The following HS6ST3 variants were observed in gnomAD, a reference collection of about 807,000 sequenced individuals.
HS6ST3 encodes the protein heparan-sulfate 6-O-sulfotransferase 3.
Under a neutral mutation model 36.7 loss-of-function variants are expected in HS6ST3, and 12 were observed. The observed-to-expected ratio is 0.33, with a 90% CI of 0.21 to 0.53. The LOEUF (loss-of-function observed/expected upper bound fraction) is 0.53, where lower values mean the gene tolerates loss of function less well. Ranked by LOEUF, HS6ST3 falls within the 20% of genes least tolerant of loss-of-function variation. The pLI, the probability that HS6ST3 is intolerant of heterozygous loss-of-function variation, is 0.95. For synonymous variants in HS6ST3, 240 were observed against 257.5 expected, an observed-to-expected ratio of 0.93 and a Z score of 0.65; for missense variants, 584 against 640.9, an observed-to-expected ratio of 0.91 and a Z score of 0.96.
intron 1 of HS6ST3, among the ~76,000 whole-genome samples, chr13:96,098,929 G>T (rs1257902713): frequency 6.6e-6 from 1 of 152,092 alleles, no homozygotes; most frequent in South Asian, 2.1e-4. Context: ...CTCATCTCAT[G>T]CATATATGTT....
At chr13:96,254,548 A>ACATCCCT (rs1252446046) in intron 1 of HS6ST3, among the ~76,000 whole-genome samples, 1 of 135,104 alleles carries the variant, frequency 7.4e-6, no homozygotes, top group Non-Finnish European at 1.5e-5. Context: ...TACATAGTGG[A>ACATCCCT]CATCCCTGCT....
At chr13:96,799,982 G>GTATATATATATATATGTATATATATA (rs1878017744) in intron 1 of HS6ST3, among the ~76,000 whole-genome samples, 1 of 82,586 alleles carries the variant, frequency 1.2e-5, no homozygotes, top group Non-Finnish European at 2.3e-5. Context: ...ATATATATAT[G>GTATATATATATATATGTATATATATA]TATATATATA....
chr13:96,147,158 A>G (rs191506712), intron 1 of HS6ST3, among the ~76,000 whole-genome samples: 7 of 152,280 alleles, frequency 4.6e-5, no homozygotes, highest in Non-Finnish European at 4.4e-5. Flanking sequence ...GATAGTGATC[A>G]GCAGAGCACA....
At chr13:96,273,143 T>C (rs1364205351) in intron 1 of HS6ST3, among the ~76,000 whole-genome samples, 6 of 152,000 alleles carry the variant, frequency 3.9e-5, no homozygotes, top group Non-Finnish European at 5.9e-5. Flanking sequence ...CTAGAGTTTC[T>C]AAGTCCTTAG....
intron 1 of HS6ST3, among the ~76,000 whole-genome samples, chr13:96,658,194 A>AT (rs1261959485): frequency 2.1e-5 from 3 of 142,198 alleles, no homozygotes; most frequent in African/African-American, 7.9e-5. Context: ...TAGCTTGTTG[A>AT]TTTTTTATTG....
rs1218830037 is a variant in HS6ST3 at position 96,470,347 on chromosome 13, T to C, written c.708-362143T>C. On this transcript the variant is annotated intron_variant, in intron 1 of 1. Coordinates refer to ENST00000376705, the MANE Select transcript of HS6ST3 (RefSeq NM_153456.4). ...CTCCCCCAAATATTAAATAATTTCC[T>C]CTCAAACAGTTGGTTTATAGGAAGA... Among the ~76,000 whole-genome samples, 8 of 152,332 alleles carry C rather than the reference T, an allele frequency of 5.3e-5. No individual in the cohort carries two copies. The South Asian group carries it at 1.4e-3, about 28-fold the overall frequency.
rs536217551 is a variant in HS6ST3, at chr13:96,792,914, C to T, written c.708-39576C>T. 1.3e-3 allele frequency among the ~76,000 whole-genome samples: 202 copies of T among 152,156 alleles called. 1 individual carries two copies. The highest frequency in any genetic ancestry group is 4.4e-3 in the African/African-American group (182 of 41,544). ...AGATGGTTTATACCTGGGAAACATTCGCAGTCATCAATCTTTCTCTAATCA... is the reference window on the plus strand; with the variant it reads ...AGATGGTTTATACCTGGGAAACATTTGCAGTCATCAATCTTTCTCTAATCA... On this transcript the variant is annotated intron_variant, in intron 1 of 1. Coordinates refer to ENST00000376705, the MANE Select transcript of HS6ST3 (RefSeq NM_153456.4).
At chr13:96,570,643 A>C (rs1432043713) in intron 1 of HS6ST3, among the ~76,000 whole-genome samples, 1 of 152,214 alleles carries the variant, frequency 6.6e-6, no homozygotes, top group Non-Finnish European at 1.5e-5. Flanking sequence ...GCATTTATAG[A>C]ACACCTACTT....
intron 1 of HS6ST3, among the ~76,000 whole-genome samples, chr13:96,462,649 C>G (rs936784648): frequency 1.3e-5 from 2 of 152,058 alleles, no homozygotes; most frequent in Non-Finnish European, 2.9e-5. Flanking sequence ...AAAAGAATGA[C>G]TGGAGGAAGA....
In HS6ST3 at chr13:96,658,279, T is replaced by C. The variant is rs1338134608; in HGVS notation, c.708-174211T>C. 1.3e-3 allele frequency among the ~76,000 whole-genome samples: 38 copies of C among 28,258 alleles called. 1 individual carries two copies. The highest frequency in any genetic ancestry group is 2.6e-3 in the African/African-American group (18 of 6,824). 18.5% of individuals were successfully genotyped at this position (28,258 alleles called of 152,430 possible). The stretch of plus-strand genomic sequence containing the variant: ...CTTCTCTTCTTCTTCTTTTTTTTTT[T>C]TTTTTTTTTTTTTTTTTTTGAGATG... On this transcript the variant is annotated intron_variant, in intron 1 of 1. Coordinates refer to ENST00000376705, the MANE Select transcript of HS6ST3 (RefSeq NM_153456.4).
At chr13:96,564,303 C>A (rs560280968) in intron 1 of HS6ST3, among the ~76,000 whole-genome samples, 2 of 152,312 alleles carry the variant, frequency 1.3e-5, no homozygotes, top group South Asian at 4.1e-4. Context: ...ATACTTGCAA[C>A]TCTTTTGTCT....
chr13:96,802,226 G>A (rs140326725), intron 1 of HS6ST3, among the ~76,000 whole-genome samples: 24 of 152,162 alleles, frequency 1.6e-4, no homozygotes, highest in African/African-American at 5.8e-4. Flanking sequence ...AGACCTATCA[G>A]GATTTACGTG....
chr13:96,715,322 G>A (rs1287106790), intron 1 of HS6ST3, among the ~76,000 whole-genome samples: 1 of 152,008 alleles, frequency 6.6e-6, no homozygotes, highest in South Asian at 2.1e-4. Context: ...TTAACCCTGG[G>A]AAAGGTGGGT....
At position 96,408,777 on chromosome 13, in the gene HS6ST3, G is replaced by A. The variant is rs568071188; in HGVS notation, c.707+317208G>A. 3.9e-5 allele frequency among the ~76,000 whole-genome samples: 6 copies of A among 152,172 alleles called. No homozygotes were observed. The South Asian group carries it at 6.2e-4, about 16-fold the overall frequency. ...CGTCTTACTAAAAATACAAAAATTA[G>A]CCAGGCATGGTGGTGGGGGCCTGTA... On this transcript the variant is annotated intron_variant, in intron 1 of 1. Transcript: ENST00000376705.
intron 1 of HS6ST3, among the ~76,000 whole-genome samples, chr13:96,135,076 G>A (rs1464124464): frequency 1.3e-5 from 2 of 152,130 alleles, no homozygotes; most frequent in African/African-American, 2.4e-5. Context: ...CATTGCTGAA[G>A]AAACTTCTAA....
chr13:96,454,349 A>G (rs77617570), intron 1 of HS6ST3, among the ~76,000 whole-genome samples: 1,689 of 152,260 alleles, frequency 0.011, 31 homozygotes, highest in African/African-American at 0.039. Flanking sequence ...GTGACTATGT[A>G]TAATAGCAAT....
intron 1 of HS6ST3, among the ~76,000 whole-genome samples, chr13:96,165,978 T>G (rs995520631): frequency 6.6e-6 from 1 of 152,178 alleles, no homozygotes; most frequent in Non-Finnish European, 1.5e-5. Context: ...GAACACAGTC[T>G]GAACTCAACT....
chr13:96,355,633 T>C (rs1452905705), intron 1 of HS6ST3, among the ~76,000 whole-genome samples: 1 of 152,200 alleles, frequency 6.6e-6, no homozygotes, highest in Non-Finnish European at 1.5e-5. Context: ...AAAATGATAA[T>C]TATCATCTGA....
At chr13:96,800,298 GTT>G (rs796385395) in intron 1 of HS6ST3, among the ~76,000 whole-genome samples, 217 of 143,724 alleles carry the variant, frequency 1.5e-3, no homozygotes, top group African/African-American at 4.7e-3. Context: ...GTCCCTCAGT[GTT>G]TTTTTTTTTA....
Sources: gnomAD v4.1 joint callset for allele counts (sites outside exome capture counted in the v4.1 genomes callset) on GRCh38, gnomAD v4.1.1 for gene constraint, MANE v1.5 for transcripts, NCBI Gene and HGNC (gene_info 2026-07-23, HGNC 2026-07-21) for gene names.